Variants in PAK1 observed in about 807,000 individuals in gnomAD.
The protein encoded by PAK1 is serine/threonine-protein kinase PAK 1.
PAK1 carries 29 observed loss-of-function variants against 67.4 expected under a neutral mutation model. The observed-to-expected ratio is 0.43, with a 90% confidence interval of 0.32 to 0.59. The LOEUF (loss-of-function observed/expected upper bound fraction) is 0.59. Among genes scored for constraint, PAK1 ranks in the 20% least tolerant of loss-of-function variants. The probability of loss-of-function intolerance (pLI) is 0.07; values close to 1 mark genes in which losing one functional copy is unlikely to be tolerated. For missense variants in PAK1, 337 were observed against 670.7 expected, an observed-to-expected ratio of 0.50 and a Z score of 5.50; for synonymous variants, 223 against 237.4, an observed-to-expected ratio of 0.94 and a Z score of 0.56.
intron 1 of PAK1, among the ~76,000 whole-genome samples, chr11:77,408,684 C>T (rs1022130141): frequency 5.3e-5 from 8 of 152,000 alleles, no homozygotes; most frequent in Admixed American, 5.2e-4. Context: ...CGTTGATTAA[C>T]GAAGTGGAGA....
At chr11:77,364,274 T>G (rs1014248278) in intron 5 of PAK1, among the ~76,000 whole-genome samples, 1 of 152,114 alleles carries the variant, frequency 6.6e-6, no homozygotes, top group Non-Finnish European at 1.5e-5. Context: ...AAACAGTAAA[T>G]GTACTCCCCT....
chr11:77,444,286 TAAAAA>T (rs142183219), intron 1 of PAK1, among the ~76,000 whole-genome samples: 39 of 116,790 alleles, frequency 3.3e-4, no homozygotes, highest in African/African-American at 1.2e-3. Flanking sequence ...TGGAGAGCTC[TAAAAA>T]AAAAAAAAAA....
At chr11:77,395,873 C>G (rs559462807) in intron 1 of PAK1, among the ~76,000 whole-genome samples, 1 of 152,264 alleles carries the variant, frequency 6.6e-6, no homozygotes, top group African/African-American at 2.4e-5. Context: ...CCTTTGTTTT[C>G]CCTCCCAACT....
chr11:77,366,575 A>G (rs1947614911), intron 5 of PAK1, among the ~76,000 whole-genome samples: 1 of 152,262 alleles, frequency 6.6e-6, no homozygotes, highest in South Asian at 2.1e-4. Flanking sequence ...GATTGTATAT[A>G]AATGGCCAAT....
the PAK1 span, among the ~76,000 whole-genome samples, chr11:77,509,001 T>G: frequency 7.5e-6 from 1 of 133,548 alleles, no homozygotes; most frequent in African/African-American, 2.7e-5. Context: ...CCGGGCGCGG[T>G]GGCTCAAGCC....
chr11:77,408,379 A>G (rs2852392), intron 1 of PAK1: 42,146 of 151,990 alleles, frequency 0.28, 6,573 homozygotes, highest in South Asian at 0.47. Flanking sequence ...CGTACGTACC[A>G]TTGCACTCTA....
chr11:77,429,746 A>G (rs1276888802), intron 1 of PAK1, among the ~76,000 whole-genome samples: 3 of 152,240 alleles, frequency 2.0e-5, no homozygotes, highest in African/African-American at 7.2e-5. Context: ...GTGATTCTGA[A>G]CTATATTCTT....
At chr11:77,466,307 T>C (rs749666409) in intron 1 of PAK1, among the ~76,000 whole-genome samples, 4 of 152,006 alleles carry the variant, frequency 2.6e-5, no homozygotes, top group Non-Finnish European at 5.9e-5. Context: ...TAATAATTTT[T>C]AAAAATGTCT....
At chr11:77,489,098 A>G in the PAK1 span, among the ~76,000 whole-genome samples, 1 of 152,216 alleles carries the variant, frequency 6.6e-6, no homozygotes, top group Admixed American at 6.5e-5. Flanking sequence ...TATACCTGAC[A>G]GCAGGCTTTT....
intron 5 of PAK1, among the ~76,000 whole-genome samples, chr11:77,368,765 T>C (rs1032656630): frequency 6.6e-6 from 1 of 152,200 alleles, no homozygotes; most frequent in African/African-American, 2.4e-5. Flanking sequence ...CAAGTGATTC[T>C]TTTGCCTCGG....
At chr11:77,359,115 T>C in intron 5 of PAK1, 98 bp from the exon 6 acceptor site, 1 of 1,117,840 alleles carries the variant, frequency 8.9e-7, no homozygotes, top group South Asian at 1.5e-5. Flanking sequence ...CATCCTGATA[T>C]CCCTTCTGAA....
At chr11:77,525,101 T>C in the PAK1 span, among the ~76,000 whole-genome samples, 1 of 151,792 alleles carries the variant, frequency 6.6e-6, no homozygotes, top group African/African-American at 2.4e-5. Flanking sequence ...TCCCAACATG[T>C]TGGGAGGTCG....
chr11:77,519,267 CT>C, the PAK1 span, among the ~76,000 whole-genome samples: 3 of 152,084 alleles, frequency 2.0e-5, no homozygotes, highest in African/African-American at 4.8e-5. Flanking sequence ...CTACCCCACC[CT>C]TTTTTTCATG....
intron 2 of PAK1, among the ~76,000 whole-genome samples, chr11:77,390,827 C>T (rs1439175835): frequency 1.3e-5 from 2 of 152,070 alleles, no homozygotes; most frequent in Non-Finnish European, 2.9e-5. Context: ...AGCCACCAAA[C>T]CCAAAGGGAA....
chr11:77,411,933 T>G (rs1372706214), intron 1 of PAK1: 3 of 152,412 alleles, frequency 2.0e-5, no homozygotes, highest in East Asian at 1.9e-4. Context: ...GCTCCCGAGG[T>G]GCAGCACGCT....
At chr11:77,516,358 G>A in the PAK1 span, among the ~76,000 whole-genome samples, 14 of 152,274 alleles carry the variant, frequency 9.2e-5, no homozygotes, top group East Asian at 2.7e-3. Flanking sequence ...TCTGAACTGA[G>A]TAAACTTGGA....
chr11:77,416,376 G>C (rs1954953080), intron 1 of PAK1, among the ~76,000 whole-genome samples: 1 of 152,048 alleles, frequency 6.6e-6, no homozygotes, highest in Non-Finnish European at 1.5e-5. Context: ...GTCAACATTA[G>C]TGTCTTCCAC....
chr11:77,434,142 TACTTAAA>T (rs960222196), intron 1 of PAK1, among the ~76,000 whole-genome samples: 3 of 152,162 alleles, frequency 2.0e-5, no homozygotes, highest in Non-Finnish European at 4.4e-5. Flanking sequence ...CCTAAATATA[TACTTAAA>T]GGTAAATGAA....
chr11:77,323,421 T>C (rs1051957742), intron 14 of PAK1, 61 bp from the exon 15 acceptor site: 3 of 1,115,886 alleles, frequency 2.7e-6, no homozygotes, highest in Middle Eastern at 2.0e-4. Context: ...CCAGTAACCA[T>C]TACAAGACAT....
Sources: gnomAD v4.1 joint callset for allele counts (sites outside exome capture counted in the v4.1 genomes callset) on GRCh38, gnomAD v4.1.1 for gene constraint, MANE v1.5 for transcripts, NCBI Gene and HGNC (gene_info 2026-07-23, HGNC 2026-07-21) for gene names.